The following PCGF3 variants were observed in gnomAD, a reference collection of about 807,000 sequenced individuals.
PCGF3 encodes the protein polycomb group RING finger protein 3.
In PCGF3, 7 loss-of-function variants were observed where a neutral mutation model predicts 33.1. That is an observed-to-expected ratio of 0.21 (90% CI 0.12 to 0.40). The LOEUF (loss-of-function observed/expected upper bound fraction) is 0.40. PCGF3 is among the 10% of genes least tolerant of loss of function. PCGF3 has a pLI of 1.00. For synonymous variants in PCGF3, 153 were observed against 121.3 expected (o/e 1.26, Z -1.72); for missense variants, 211 against 313.3 (o/e 0.67, Z 2.46).
At chr4:719,772 C>T (rs1266657738) in intron 1 of PCGF3, among the ~76,000 whole-genome samples, 10 of 152,164 alleles carry the variant, frequency 6.6e-5, no homozygotes, top group African/African-American at 2.4e-4. Flanking sequence ...AGACAAAGAG[C>T]TGGAGGCATC....
intron 1 of PCGF3, among the ~76,000 whole-genome samples, chr4:722,076 C>T (rs894045142): frequency 1.3e-5 from 2 of 152,062 alleles, no homozygotes; most frequent in Admixed American, 1.3e-4. Flanking sequence ...ACACACGGGG[C>T]GTGGGACGGT....
At chr4:769,395 A>T (rs530027561) in exon 11 of PCGF3, 1 of 152,728 alleles carries the variant, frequency 6.5e-6, no homozygotes, top group Non-Finnish European at 1.5e-5. Context: ...AAACATGGAA[A>T]ATAAGTTTAG....
intron 8 of PCGF3, among the ~76,000 whole-genome samples, chr4:753,654 AAAAG>A (rs1300365856): frequency 6.6e-6 from 1 of 150,582 alleles, no homozygotes; most frequent in Non-Finnish European, 1.5e-5. Context: ...AAAAAAAAAA[AAAAG>A]AAGACTGGAC....
At chr4:761,815 T>C (rs1322918618) in intron 9 of PCGF3, 4 of 985,290 alleles carry the variant, frequency 4.1e-6, no homozygotes, top group Non-Finnish European at 4.8e-6. Flanking sequence ...TGAGGCGGCC[T>C]TGGCAGCGGG....
intron 7 of PCGF3, among the ~76,000 whole-genome samples, chr4:744,121 C>T (rs1287506773): frequency 6.6e-6 from 1 of 152,140 alleles, no homozygotes; most frequent in East Asian, 1.9e-4. Context: ...TTTGCGGGTC[C>T]CAGGAAGCAC....
intron 5 of PCGF3, 45 bp from the exon 6 acceptor site, chr4:737,421 G>C (rs747298409): frequency 1.6e-6 from 2 of 1,260,764 alleles, no homozygotes; most frequent in East Asian, 4.6e-5. Context: ...AAGAATTATA[G>C]AATTAACATT....
chr4:758,165 CAAAAAAAAAAAA>C (rs61081270), intron 8 of PCGF3, among the ~76,000 whole-genome samples: 27 of 54,920 alleles, frequency 4.9e-4, no homozygotes, highest in Non-Finnish European at 8.0e-4. Flanking sequence ...GACTCTGTCT[CAAAAAAAAAAAA>C]AAAAAAAAAA....
intron 3 of PCGF3, chr4:731,387 T>A (rs1743550907): frequency 5.1e-6 from 2 of 388,698 alleles, no homozygotes; most frequent in Non-Finnish European, 9.1e-6. Flanking sequence ...TGAGGAGCAG[T>A]GCTGCTTGGG....
At chr4:729,685 C>T (rs899164779) in intron 1 of PCGF3, among the ~76,000 whole-genome samples, 2 of 152,224 alleles carry the variant, frequency 1.3e-5, no homozygotes, top group Non-Finnish European at 2.9e-5. Context: ...TCTACTCTTT[C>T]CCTTCTTCCT....
At chr4:754,871 G>A (rs573024295) in intron 8 of PCGF3, among the ~76,000 whole-genome samples, 68 of 152,340 alleles carry the variant, frequency 4.5e-4, no homozygotes, top group South Asian at 3.5e-3. Flanking sequence ...GTGGCGGTGC[G>A]GGTGCAGCAC....
chr4:764,941 T>C (rs747183196), intron 9 of PCGF3, 43 bp from the exon 10 acceptor site: 3 of 1,399,580 alleles, frequency 2.1e-6, no homozygotes, highest in African/African-American at 1.4e-5. Context: ...TCAGTGTGGG[T>C]TGAGCACCTC....
chr4:713,687 C>T (rs1259625143), intron 1 of PCGF3, among the ~76,000 whole-genome samples: 1 of 152,140 alleles, frequency 6.6e-6, no homozygotes, highest in Non-Finnish European at 1.5e-5. Context: ...GCTCAATAAA[C>T]AGTAACCGGA....
chr4:736,085 G>T (rs1743810548), intron 5 of PCGF3, among the ~76,000 whole-genome samples: 1 of 151,964 alleles, frequency 6.6e-6, no homozygotes, highest in Admixed American at 6.6e-5. Context: ...GTCTTGCTCT[G>T]TCGCCAGGCT....
intron 5 of PCGF3, among the ~76,000 whole-genome samples, chr4:735,491 A>T (rs1743785839): frequency 6.6e-6 from 1 of 152,182 alleles, no homozygotes; most frequent in Non-Finnish European, 1.5e-5. Flanking sequence ...GGTTGCAGTA[A>T]GCGGAGATTG....
intron 1 of PCGF3, among the ~76,000 whole-genome samples, chr4:711,496 GC>G (rs991888007): frequency 8.7e-5 from 12 of 137,260 alleles, no homozygotes; most frequent in African/African-American, 2.9e-4. Flanking sequence ...TGTCGCCCAG[GC>G]CGGACTGCGG....
chr4:754,924 C>T (rs577169949), intron 8 of PCGF3, among the ~76,000 whole-genome samples: 2 of 152,322 alleles, frequency 1.3e-5, no homozygotes, highest in African/African-American at 2.4e-5. Flanking sequence ...CTGCAGGATT[C>T]GCTGGTGATC....
chr4:756,889 G>C (rs1015717608), intron 8 of PCGF3: 8 of 152,198 alleles, frequency 5.3e-5, no homozygotes, highest in Non-Finnish European at 1.2e-4. Flanking sequence ...GAGAAAGTCT[G>C]TGAATTTACG....
intron 1 of PCGF3, among the ~76,000 whole-genome samples, chr4:719,698 C>T (rs180704129): frequency 8.5e-4 from 130 of 152,254 alleles, no homozygotes; most frequent in East Asian, 3.9e-3. Context: ...CGGTGCAGGG[C>T]GGTGCAGGCA....
chr4:744,558 G>A, intron 7 of PCGF3, 42 bp from the exon 8 acceptor site: 1 of 1,436,484 alleles, frequency 7.0e-7, no homozygotes, highest in Non-Finnish European at 9.6e-7. Flanking sequence ...TGGCTTGACA[G>A]TTTGGATTTC....
Sources: gnomAD v4.1 joint callset for allele counts (sites outside exome capture counted in the v4.1 genomes callset) on GRCh38, gnomAD v4.1.1 for gene constraint, MANE v1.5 for transcripts, NCBI Gene and HGNC (gene_info 2026-07-23, HGNC 2026-07-21) for gene names.